Variants in ARHGEF10 observed in about 807,000 individuals in gnomAD.
ARHGEF10 encodes Rho guanine nucleotide exchange factor (GEF) 10.
ARHGEF10 carries 140 observed loss-of-function variants against 147.4 expected under a neutral mutation model. The observed-to-expected ratio is 0.95, with a 90% CI of 0.83 to 1.09. The LOEUF (loss-of-function observed/expected upper bound fraction) is 1.09, where lower values mean the gene tolerates loss of function less well. Among genes scored for constraint, ARHGEF10 ranks in the 50% least tolerant of loss-of-function variants. ARHGEF10 has a pLI of 0.00. For synonymous variants in ARHGEF10, 902 were observed against 695.8 expected (o/e 1.30, Z -4.67); for missense variants, 2,222 against 1,752.7 (o/e 1.27, Z -4.78).
rs1182781032 is a variant in ARHGEF10, at chr8:1,905,607, G to C, written c.1858G>C (p.Asp620His). The change falls in exon 17 of 29, where the codon GAT (aspartate) becomes CAT (histidine). Residue 620 changes from aspartate to histidine, a missense_variant. Physicochemically the swap from Asp to His is moderately conservative, Grantham distance 81. Transcript: ENST00000349830. Reference protein sequence around the residue: ...SSGSRYLIRSDDMIETVYNDR... With the variant: ...SSGSRYLIRSHDMIETVYNDR... ...TGGAAGCCGATACCTCATTCGATCA[G>C]ATGATATGATAGAAACAGTTTACAA... is the stretch of plus-strand genomic sequence containing the variant. 1 of 1,614,184 alleles carries C rather than the reference G, an allele frequency of 6.2e-7. No homozygotes were observed. Among genetic ancestry groups the C allele is most frequent in the Non-Finnish European group, 8.5e-7 (1 of 1,180,024 alleles).
chr8:1,941,487 G>A (rs1814086239), intron 26 of ARHGEF10, among the ~76,000 whole-genome samples: 1 of 152,110 alleles, frequency 6.6e-6, no homozygotes, highest in African/African-American at 2.4e-5. Context: ...GGCATCCTAT[G>A]TTCATAGATT....
intron 27 of ARHGEF10, among the ~76,000 whole-genome samples, chr8:1,950,861 T>C (rs1814986336): frequency 6.6e-6 from 1 of 151,344 alleles, no homozygotes; most frequent in Non-Finnish European, 1.5e-5. Flanking sequence ...ATTACAGGCA[T>C]GAGCCACTGC....
intron 1 of ARHGEF10, among the ~76,000 whole-genome samples, chr8:1,827,040 G>A (rs1032007522): frequency 6.6e-6 from 1 of 152,224 alleles, no homozygotes; most frequent in Non-Finnish European, 1.5e-5. Flanking sequence ...GAGAGCAGAG[G>A]CCGGTGACCA....
At position 1,929,440 on chromosome 8, in the gene ARHGEF10, C is replaced by G. The variant is rs201058305; in HGVS notation, c.3076C>G (p.Pro1026Ala). The G allele has an allele frequency of 5.6e-6, 9 of 1,605,996 alleles. No individual in the cohort carries two copies. The highest frequency in any genetic ancestry group is 8.5e-7 in the Non-Finnish European group (1 of 1,175,924). Residue 1026 changes from proline to alanine, a missense_variant, in exon 25 of 29, where the codon CCA becomes GCA. By Grantham distance (27) the Pro-to-Ala change is conservative. Transcript: ENST00000349830. ...GGCAGTCGCCAGCTACGCCAGAGCCCCAGGTGAGGCGGGTCTCACGGCCTC... is the reference window on the plus strand; with the variant it reads ...GGCAGTCGCCAGCTACGCCAGAGCCGCAGGTGAGGCGGGTCTCACGGCCTC... ...NGAVASYARA[P>A]DGSWDSEPQK...
At chr8:1,900,060 C>T (rs1810330134) in intron 15 of ARHGEF10, among the ~76,000 whole-genome samples, 1 of 152,138 alleles carries the variant, frequency 6.6e-6, no homozygotes, top group Admixed American at 6.5e-5. Context: ...ACGTTGTTGG[C>T]TTTCTATGAT....
chr8:1,913,736 T>A (rs1389158130), intron 18 of ARHGEF10, among the ~76,000 whole-genome samples: 1 of 152,228 alleles, frequency 6.6e-6, no homozygotes, highest in East Asian at 1.9e-4. Context: ...CAGACCGCCC[T>A]GCTCTGGCCC....
chr8:1,955,986 G>A (rs1362258756), intron 28 of ARHGEF10, among the ~76,000 whole-genome samples: 4 of 152,226 alleles, frequency 2.6e-5, no homozygotes, highest in East Asian at 1.9e-4. Context: ...ATTCAGTGAT[G>A]TCATTTGCCT....
chr8:1,950,731 T>TTTTTTTTTTTTTTTTTTTTTTTTTTTGGG (rs1814969459), intron 27 of ARHGEF10, among the ~76,000 whole-genome samples: 1 of 1,648 alleles, frequency 6.1e-4, no homozygotes, highest in Non-Finnish European at 1.8e-3. Context: ...GTTTTTTAGG[T>TTTTTTTTTTTTTTTTTTTTTTTTTTTGGG]TTTTTTTTTT....
rs573121476 is a variant in ARHGEF10 at position 1,831,345 on chromosome 8, C to T, written c.-48+7232C>T. On this transcript the variant is annotated intron_variant, in intron 1 of 28. Transcript: ENST00000349830. The stretch of plus-strand genomic sequence containing the variant: ...TGGCAGCCATAGAGGGACAGTGTGA[C>T]GGCCATGGAGGGACAGTGTGACATC... Among the ~76,000 whole-genome samples the T allele has an allele frequency of 2.0e-3, 287 of 141,706 alleles. 1 individual carries two copies. The highest frequency in any genetic ancestry group is 2.6e-3 in the Non-Finnish European group (174 of 66,416). The allele number at this position is 141,706 out of a possible 152,430, so 93.0% of individuals were successfully genotyped here. A position where few individuals can be genotyped will look rare whatever the true frequency, so the allele number is the denominator to read the frequency against.
chr8:1,878,991 C>T (rs1585365857), intron 8 of ARHGEF10, among the ~76,000 whole-genome samples: 1 of 152,168 alleles, frequency 6.6e-6, no homozygotes. Flanking sequence ...ACAGGGCGCC[C>T]GTGTGTTAGG....
chr8:1,915,634 G>A (rs528189815), intron 18 of ARHGEF10, among the ~76,000 whole-genome samples: 17 of 152,344 alleles, frequency 1.1e-4, no homozygotes, highest in South Asian at 2.1e-4. Flanking sequence ...GGTGGCTGCC[G>A]CCTTCTCCGT....
intron 26 of ARHGEF10, among the ~76,000 whole-genome samples, chr8:1,941,391 T>G (rs888777934): frequency 1.3e-5 from 2 of 152,122 alleles, no homozygotes; most frequent in Non-Finnish European, 2.9e-5. Flanking sequence ...CTTGGAGAAA[T>G]TTTTAATCAA....
chr8:1,951,091 C>T (rs1272080577), intron 27 of ARHGEF10, among the ~76,000 whole-genome samples: 5 of 152,214 alleles, frequency 3.3e-5, no homozygotes, highest in Non-Finnish European at 5.9e-5. Context: ...AGGTTTGATG[C>T]TGAACTCATA....
At position 1,836,081 on chromosome 8, in the gene ARHGEF10, T is replaced by A. The variant is rs182625304; in HGVS notation, c.-47-7272T>A. ...CTGAAGTCCCAGCTACTCGGGAGGC[T>A]GAGGCAGGAGAATGGCGTGAACCCG... is the stretch of plus-strand genomic sequence containing the variant. On this transcript the variant is annotated intron_variant, in intron 1 of 28. Coordinates refer to ENST00000349830, the MANE Select transcript of ARHGEF10 (RefSeq NM_014629.4). Among the ~76,000 whole-genome samples the A allele has an allele frequency of 2.4e-3, 367 of 151,128 alleles. 12 individuals carry two copies. The East Asian group carries it at 0.059, about 24-fold the overall frequency.
chr8:1,865,469 CACCCAGG>C (rs1806513415), intron 5 of ARHGEF10, among the ~76,000 whole-genome samples: 1 of 151,868 alleles, frequency 6.6e-6, no homozygotes, highest in Non-Finnish European at 1.5e-5. Context: ...CATCCCCCAG[CACCCAGG>C]GGGCCATCAC....
At chr8:1,920,469 C>G (rs147968979) in intron 18 of ARHGEF10, among the ~76,000 whole-genome samples, 4 of 150,742 alleles carry the variant, frequency 2.7e-5, no homozygotes, top group Non-Finnish European at 5.9e-5. Context: ...ACTACAGGCG[C>G]GCATCACAAT....
chr8:1,917,473 T>C (rs1585528445), intron 18 of ARHGEF10, among the ~76,000 whole-genome samples: 1 of 152,302 alleles, frequency 6.6e-6, no homozygotes, highest in East Asian at 1.9e-4. Context: ...CCCAGGGGCT[T>C]TTCCAGCCGT....
At chr8:1,875,189 G>A (rs1483785103) in intron 7 of ARHGEF10, among the ~76,000 whole-genome samples, 6 of 101,620 alleles carry the variant, frequency 5.9e-5, no homozygotes, top group South Asian at 4.6e-4. Flanking sequence ...AGACACACAC[G>A]GGGCTGTGTC....
At chr8:1,942,775 A>G (rs1459183970) in intron 26 of ARHGEF10, among the ~76,000 whole-genome samples, 1 of 152,196 alleles carries the variant, frequency 6.6e-6, no homozygotes, top group African/African-American at 2.4e-5. Context: ...TGAAGCCCCA[A>G]CTCACGTCAC....
Sources: allele counts gnomAD v4.1 joint callset (sites outside exome capture counted in the v4.1 genomes callset), GRCh38; gene constraint gnomAD v4.1.1; transcripts MANE v1.5; gene names NCBI Gene and HGNC (gene_info 2026-07-23, HGNC 2026-07-21).